MAN1A1: variants seen among roughly 807,000 people sequenced by gnomAD.
MAN1A1 encodes mannosyl-oligosaccharide 1,2-alpha-mannosidase IA.
Under a neutral mutation model 70.8 loss-of-function variants are expected in MAN1A1, and 29 were observed. That is an observed-to-expected ratio of 0.41 (90% CI 0.31 to 0.56). MAN1A1 has a LOEUF of 0.56. MAN1A1 is among the 20% of genes least tolerant of loss of function. The pLI is 0.29. For synonymous variants in MAN1A1, 349 were observed against 330.1 expected (o/e 1.06, Z -0.62); for missense variants, 747 against 841.3 (o/e 0.89, Z 1.39).
intron 6 of MAN1A1, among the ~76,000 whole-genome samples, chr6:119,235,808 C>T (rs982959385): frequency 2.0e-5 from 3 of 152,150 alleles, no homozygotes; most frequent in African/African-American, 7.2e-5. Context: ...CAGCTGGTGA[C>T]TTTATGATTC....
chr6:119,189,175 C>T (rs566865685), intron 10 of MAN1A1, among the ~76,000 whole-genome samples: 22 of 152,222 alleles, frequency 1.4e-4, no homozygotes, highest in African/African-American at 5.3e-4. Flanking sequence ...AGATACAAGG[C>T]ACCATGAAAT....
At chr6:119,272,743 T>C (rs1775958889) in intron 5 of MAN1A1, among the ~76,000 whole-genome samples, 1 of 152,272 alleles carries the variant, frequency 6.6e-6, no homozygotes. Context: ...TTTATGAATG[T>C]GTGTGTGTTT....
chr6:119,278,120 T>C (rs544502396), intron 5 of MAN1A1, among the ~76,000 whole-genome samples: 1 of 152,010 alleles, frequency 6.6e-6, no homozygotes, highest in Admixed American at 6.6e-5. Context: ...TGCTCCAGCC[T>C]GAGTGACAGA....
intron 5 of MAN1A1, among the ~76,000 whole-genome samples, chr6:119,266,159 C>T (rs990433870): frequency 1.3e-5 from 2 of 152,060 alleles, no homozygotes; most frequent in Non-Finnish European, 2.9e-5. Context: ...AGATTGAATA[C>T]CAAGACGTCA....
At chr6:119,232,045 G>A (rs956128012) in intron 6 of MAN1A1, among the ~76,000 whole-genome samples, 2 of 152,084 alleles carry the variant, frequency 1.3e-5, no homozygotes, top group African/African-American at 4.8e-5. Flanking sequence ...TGGTAGGTAC[G>A]TAGAATTCAA....
intron 2 of MAN1A1, among the ~76,000 whole-genome samples, chr6:119,322,915 C>T (rs1366481785): frequency 6.6e-6 from 1 of 152,216 alleles, no homozygotes; most frequent in African/African-American, 2.4e-5. Flanking sequence ...ACTGAGCCCA[C>T]AGCAAGGTGG....
chr6:119,288,543 G>GC (rs1387188921), intron 5 of MAN1A1, among the ~76,000 whole-genome samples: 1 of 151,776 alleles, frequency 6.6e-6, no homozygotes, highest in East Asian at 1.9e-4. Context: ...ATTCCTAATG[G>GC]CCAATTCCCC....
chr6:119,178,765 CAG>C lies in MAN1A1; in HGVS notation c.*1052_*1053del, dbSNP rs925583317. ...TAAGTAAAATTGGCAAAGCTTCTTT[CAG>C]AGTCAAATCCTGCTTTCACAAACTG... On this transcript the variant is annotated 3_prime_UTR_variant, in exon 13 of 13. Coordinates refer to ENST00000368468, the MANE Select transcript of MAN1A1 (RefSeq NM_005907.4). The C allele has an allele frequency of 6.6e-6, 1 of 152,040 alleles. No homozygotes were observed. The highest frequency in any genetic ancestry group is 1.5e-5 in the Non-Finnish European group (1 of 67,956). 9.4% of individuals were successfully genotyped at this position (152,040 alleles called of 1,614,324 possible). A position where few individuals can be genotyped will look rare whatever the true frequency, so the allele number is the denominator to read the frequency against.
At chr6:119,266,531 T>C (rs974590832) in intron 5 of MAN1A1, among the ~76,000 whole-genome samples, 1 of 127,544 alleles carries the variant, frequency 7.8e-6, no homozygotes, top group African/African-American at 2.7e-5. Flanking sequence ...GATATCCATA[T>C]ACACATACAA....
chr6:119,262,404 T>C (rs1482627588), intron 5 of MAN1A1, among the ~76,000 whole-genome samples: 1 of 151,478 alleles, frequency 6.6e-6, no homozygotes, highest in African/African-American at 2.4e-5. Flanking sequence ...TTTAAGGAAA[T>C]AAGATTTCAA....
intron 2 of MAN1A1, among the ~76,000 whole-genome samples, chr6:119,313,070 A>G (rs1772754220): frequency 6.6e-6 from 1 of 152,068 alleles, no homozygotes; most frequent in South Asian, 2.1e-4. Context: ...CTTAGGAAGG[A>G]AGTTCTCCTT....
At chr6:119,223,495 G>A (rs1774422364) in intron 6 of MAN1A1, among the ~76,000 whole-genome samples, 1 of 152,016 alleles carries the variant, frequency 6.6e-6, no homozygotes, top group South Asian at 2.1e-4. Context: ...TGTATCAAAT[G>A]TATTAATATT....
chr6:119,309,018 A>G (rs1003309089), intron 2 of MAN1A1, among the ~76,000 whole-genome samples: 4 of 152,192 alleles, frequency 2.6e-5, no homozygotes, highest in Non-Finnish European at 5.9e-5. Flanking sequence ...TTAGTTTCCT[A>G]CATTTCAAAA....
chr6:119,257,256 G>A (rs1044142813), intron 5 of MAN1A1, among the ~76,000 whole-genome samples: 2 of 152,074 alleles, frequency 1.3e-5, no homozygotes, highest in Non-Finnish European at 2.9e-5. Context: ...CTAGAAAATG[G>A]TGAGAGAGAG....
intron 6 of MAN1A1, among the ~76,000 whole-genome samples, chr6:119,212,792 T>C (rs1389067333): frequency 6.6e-6 from 1 of 152,234 alleles, no homozygotes; most frequent in Non-Finnish European, 1.5e-5. Flanking sequence ...TTATTACCCA[T>C]TTCAGCAGAT....
At chr6:119,199,036 A>G (rs1480817322) in intron 8 of MAN1A1, among the ~76,000 whole-genome samples, 1 of 152,206 alleles carries the variant, frequency 6.6e-6, no homozygotes, top group African/African-American at 2.4e-5. Flanking sequence ...ATGATCTTAT[A>G]ATATCATGCT....
At chr6:119,231,364 C>T (rs1478785337) in intron 6 of MAN1A1, among the ~76,000 whole-genome samples, 1 of 152,122 alleles carries the variant, frequency 6.6e-6, no homozygotes, top group East Asian at 1.9e-4. Context: ...TGCTGCCACT[C>T]ACTCCGTCCT....
intron 5 of MAN1A1, among the ~76,000 whole-genome samples, chr6:119,271,933 T>G (rs1320451394): frequency 6.6e-6 from 1 of 152,178 alleles, no homozygotes; most frequent in Non-Finnish European, 1.5e-5. Context: ...CTCAGACAAG[T>G]ACCTCGTATC....
chr6:119,327,646 A>C (rs1233826795), intron 2 of MAN1A1, among the ~76,000 whole-genome samples: 1 of 152,174 alleles, frequency 6.6e-6, no homozygotes, highest in Admixed American at 6.5e-5. Flanking sequence ...TGGTGACTAT[A>C]GCTAAGAACA....
Sources: allele counts gnomAD v4.1 joint callset (sites outside exome capture counted in the v4.1 genomes callset), GRCh38; gene constraint gnomAD v4.1.1; transcripts MANE v1.5; gene names NCBI Gene and HGNC (gene_info 2026-07-23, HGNC 2026-07-21).